LRRC37A: variants seen among roughly 807,000 people sequenced by gnomAD.
LRRC37A encodes leucine-rich repeat-containing protein 37A.
LRRC37A carries 3 observed loss-of-function variants against 35.4 expected under a neutral mutation model. That is an observed-to-expected ratio of 0.08 (90% CI 0.04 to 0.22). The LOEUF is 0.22. Among genes scored for constraint, LRRC37A ranks in the 10% least tolerant of loss-of-function variants. The pLI is 1.00. For missense variants in LRRC37A, 67 were observed against 565.3 expected (o/e 0.12, Z 8.94); for synonymous variants, 23 against 215.0 (o/e 0.11, Z 7.81).
chr17:46,277,708 G>A, the LRRC37A span, among the ~76,000 whole-genome samples: 2 of 151,098 alleles, frequency 1.3e-5, no homozygotes, highest in Non-Finnish European at 2.9e-5. Flanking sequence ...GTGCAGTGGT[G>A]GGATCTCAGC....
chr17:46,282,848 G>A, the LRRC37A span, among the ~76,000 whole-genome samples: 2 of 152,238 alleles, frequency 1.3e-5, no homozygotes, highest in African/African-American at 4.8e-5. Context: ...GCTGGGCGCG[G>A]TGGCTCATGC....
chr17:46,250,999 C>T, the LRRC37A span, among the ~76,000 whole-genome samples: 2 of 152,224 alleles, frequency 1.3e-5, no homozygotes, highest in Non-Finnish European at 2.9e-5. Flanking sequence ...TTGTGACTCA[C>T]TGCTTCTCAG....
At chr17:46,260,908 C>CCACTG in the LRRC37A span, among the ~76,000 whole-genome samples, 1 of 152,356 alleles carries the variant, frequency 6.6e-6, no homozygotes, top group African/African-American at 2.4e-5. Context: ...CAGGCATGAG[C>CCACTG]CACCGTGCCC....
upstream of LRRC37A, among the ~76,000 whole-genome samples, chr17:46,290,941 T>G (rs1349937971): frequency 1.3e-5 from 2 of 152,220 alleles, no homozygotes; most frequent in Non-Finnish European, 2.9e-5. Context: ...AACCCAGCCC[T>G]ATGCACCAAT....
chr17:46,289,746 A>T (rs902455099), upstream of LRRC37A, among the ~76,000 whole-genome samples: 5 of 152,258 alleles, frequency 3.3e-5, no homozygotes, highest in Admixed American at 1.3e-4. Flanking sequence ...AGTCTCTCAG[A>T]AAAATAACTT....
At chr17:46,263,550 C>CAAAAAAAA in the LRRC37A span, among the ~76,000 whole-genome samples, 4 of 63,634 alleles carry the variant, frequency 6.3e-5, no homozygotes, top group Admixed American at 1.7e-4. Flanking sequence ...GACTCTGTCT[C>CAAAAAAAA]AAAAAAAAAA....
At chr17:46,305,035 A>ATT (rs1183070261) in intron 3 of LRRC37A, among the ~76,000 whole-genome samples, 5 of 63,226 alleles carry the variant, frequency 7.9e-5, no homozygotes, top group Middle Eastern at 8.1e-3. Context: ...GGCCCGGCTA[A>ATT]TTTTTTTTTT....
chr17:46,265,426 CT>C, the LRRC37A span, among the ~76,000 whole-genome samples: 3 of 150,994 alleles, frequency 2.0e-5, no homozygotes, highest in Admixed American at 2.0e-4. Context: ...TCTTCCTACT[CT>C]TCTTCCTCTT....
chr17:46,276,790 C>CTTTTCTTTTT, the LRRC37A span, among the ~76,000 whole-genome samples: 1 of 134,320 alleles, frequency 7.4e-6, no homozygotes. Context: ...TTCTTTTTTT[C>CTTTTCTTTTT]TTTTTTTTTT....
the LRRC37A span, among the ~76,000 whole-genome samples, chr17:46,257,122 A>C: frequency 6.6e-6 from 1 of 152,120 alleles, no homozygotes; most frequent in East Asian, 1.9e-4. Flanking sequence ...CAGGGTAATA[A>C]GTCTCAACCT....
chr17:46,280,145 G>A, the LRRC37A span, among the ~76,000 whole-genome samples: 3 of 152,246 alleles, frequency 2.0e-5, no homozygotes, highest in African/African-American at 7.2e-5. Flanking sequence ...GGCCAGGGCA[G>A]GTGGATCACT....
chr17:46,279,506 T>C, the LRRC37A span, among the ~76,000 whole-genome samples: 9,975 of 117,250 alleles, frequency 0.085, no homozygotes, highest in Middle Eastern at 0.17. Context: ...CTTTCTTTTT[T>C]TTTTTTTTTT....
the LRRC37A span, among the ~76,000 whole-genome samples, chr17:46,284,516 T>C: frequency 6.6e-6 from 1 of 152,018 alleles, no homozygotes; most frequent in Non-Finnish European, 1.5e-5. Flanking sequence ...CAAAATGGAG[T>C]CTCCTATGTC....
the LRRC37A span, chr17:46,268,393 T>C: frequency 1.1e-6 from 1 of 878,966 alleles, no homozygotes; most frequent in East Asian, 3.8e-5. Flanking sequence ...AGTTTCAACT[T>C]GTGCAGCAAG....
intron 5 of LRRC37A, among the ~76,000 whole-genome samples, chr17:46,321,407 T>C (rs2051368091): frequency 2.6e-5 from 1 of 37,748 alleles, no homozygotes; most frequent in Admixed American, 3.2e-4. Flanking sequence ...AAAGCGCTCA[T>C]AGTCCAGGAG....
At chr17:46,260,490 C>T in the LRRC37A span, 1 of 1,600,254 alleles carries the variant, frequency 6.2e-7, no homozygotes, top group African/African-American at 1.3e-5. Flanking sequence ...GGGGGTGGCC[C>T]GCCATACTTC....
At chr17:46,282,355 G>A in the LRRC37A span, among the ~76,000 whole-genome samples, 516 of 152,052 alleles carry the variant, frequency 3.4e-3, 7 homozygotes, top group African/African-American at 0.012. Flanking sequence ...CGCCCCACTC[G>A]GCCTCCCAAA....
chr17:46,267,893 CTTT>C, the LRRC37A span, among the ~76,000 whole-genome samples: 269 of 89,212 alleles, frequency 3.0e-3, 2 homozygotes, highest in South Asian at 5.7e-3. Flanking sequence ...ACTCCCACAT[CTTT>C]TTTTTTTTTT....
chr17:46,291,422 G>A (rs552278626), upstream of LRRC37A, among the ~76,000 whole-genome samples: 4 of 152,118 alleles, frequency 2.6e-5, no homozygotes, highest in Non-Finnish European at 4.4e-5. Flanking sequence ...GAAGGAGGAA[G>A]TGGTGGCTGA....
Sources: allele counts gnomAD v4.1 joint callset (sites outside exome capture counted in the v4.1 genomes callset), GRCh38; gene constraint gnomAD v4.1.1; transcripts MANE v1.5; gene names NCBI Gene and HGNC (gene_info 2026-07-23, HGNC 2026-07-21).